IPO5: variants seen among roughly 807,000 people sequenced by gnomAD.
IPO5 encodes importin-5.
In IPO5, 18 loss-of-function variants were observed where a neutral mutation model predicts 143.3. That is an observed-to-expected ratio of 0.13 (90% CI 0.09 to 0.19). The LOEUF (loss-of-function observed/expected upper bound fraction) is 0.19. Ranked by LOEUF, IPO5 falls within the 10% of genes least tolerant of loss-of-function variation. The probability of loss-of-function intolerance (pLI) is 1.00; values close to 1 mark genes in which losing one functional copy is unlikely to be tolerated. For synonymous variants in IPO5, 477 were observed against 465.7 expected, an observed-to-expected ratio of 1.02 and a Z score of -0.31; for missense variants, 1,013 against 1,336.9, an observed-to-expected ratio of 0.76 and a Z score of 3.78.
At chr13:97,975,264 G>T (rs970063455) in intron 3 of IPO5, among the ~76,000 whole-genome samples, 1 of 143,456 alleles carries the variant, frequency 7.0e-6, no homozygotes, top group Non-Finnish European at 1.5e-5. Context: ...GGGGGGGCTG[G>T]TATCGCCTGA....
At chr13:97,967,674 C>T (rs1176783672) in intron 2 of IPO5, among the ~76,000 whole-genome samples, 2 of 152,124 alleles carry the variant, frequency 1.3e-5, no homozygotes, top group Non-Finnish European at 2.9e-5. Context: ...CTCTGTCGCC[C>T]AGGCTGGAGT....
At chr13:97,975,638 G>A (rs188358193) in intron 3 of IPO5, 2 of 152,306 alleles carry the variant, frequency 1.3e-5, no homozygotes, top group Admixed American at 6.5e-5. Flanking sequence ...TTGAAATTAC[G>A]CCTCTAGGTT....
chr13:97,976,326 C>G (rs577315737), intron 3 of IPO5: 29 of 152,178 alleles, frequency 1.9e-4, no homozygotes, highest in African/African-American at 5.5e-4. Context: ...CAGCCCTGGC[C>G]CGGCTGCGAA....
At chr13:98,001,168 C>G (rs1888740032) in intron 13 of IPO5, among the ~76,000 whole-genome samples, 1 of 152,154 alleles carries the variant, frequency 6.6e-6, no homozygotes, top group African/African-American at 2.4e-5. Flanking sequence ...GCTACCACAC[C>G]TGGCCATCCT....
intron 17 of IPO5, chr13:98,007,312 A>G (rs1397774910): frequency 2.0e-5 from 3 of 152,146 alleles, no homozygotes; most frequent in Admixed American, 1.3e-4. Flanking sequence ...TTGCTTTCCT[A>G]TTAATCTAAA....
chr13:97,982,288 T>A (rs1886914698), intron 4 of IPO5: 1 of 493,794 alleles, frequency 2.0e-6, no homozygotes, highest in South Asian at 3.2e-5. Flanking sequence ...GAAACATTTG[T>A]TTAAGAGATA....
chr13:97,976,064 G>C, intron 3 of IPO5: 1 of 688,330 alleles, frequency 1.5e-6, no homozygotes, highest in Non-Finnish European at 1.8e-6. Context: ...ATCCCAGGGA[G>C]CGAGGGACCA....
intron 25 of IPO5, among the ~76,000 whole-genome samples, chr13:98,017,812 T>G (rs1246747606): frequency 1.3e-5 from 2 of 151,842 alleles, no homozygotes; most frequent in African/African-American, 4.8e-5. Flanking sequence ...TGTTTTGTTT[T>G]TTTGTATTTT....
At chr13:97,987,466 G>A (rs907264860) in intron 6 of IPO5, among the ~76,000 whole-genome samples, 8 of 152,088 alleles carry the variant, frequency 5.3e-5, no homozygotes, top group Admixed American at 3.9e-4. Context: ...CCTTTCTTAT[G>A]TCAACCATTT....
intron 4 of IPO5, chr13:97,981,363 C>A (rs953883012): frequency 4.7e-6 from 2 of 424,930 alleles, no homozygotes; most frequent in Admixed American, 5.7e-5. Context: ...CCTTAGAGGA[C>A]CAGAGTTCTG....
intron 5 of IPO5, among the ~76,000 whole-genome samples, chr13:97,983,537 A>AGC (rs1887035838): frequency 1.0e-5 from 1 of 99,552 alleles, no homozygotes; most frequent in African/African-American, 3.7e-5. Flanking sequence ...AGCTAATTCC[A>AGC]CCCCCCCCCC....
intron 11 of IPO5, among the ~76,000 whole-genome samples, chr13:97,997,018 A>G (rs1888349972): frequency 6.6e-6 from 1 of 152,244 alleles, no homozygotes; most frequent in Non-Finnish European, 1.5e-5. Flanking sequence ...AAAATTGGAA[A>G]CAACCAAAAT....
At chr13:97,956,940 T>G (rs193154022) in intron 2 of IPO5, among the ~76,000 whole-genome samples, 2 of 152,226 alleles carry the variant, frequency 1.3e-5, no homozygotes, top group Non-Finnish European at 2.9e-5. Flanking sequence ...GCTTGGTCTA[T>G]GGATAGCTGA....
intron 2 of IPO5, among the ~76,000 whole-genome samples, chr13:97,956,372 T>C (rs1593997006): frequency 6.6e-6 from 1 of 152,152 alleles, no homozygotes; most frequent in Admixed American, 6.6e-5. Flanking sequence ...AAATCTGATA[T>C]ATAAAAAAGT....
intron 2 of IPO5, among the ~76,000 whole-genome samples, chr13:97,962,896 C>T (rs1594011777): frequency 1.3e-5 from 2 of 151,974 alleles, no homozygotes; most frequent in East Asian, 1.9e-4. Flanking sequence ...AGTTCAAATC[C>T]TGCAGGGCAG....
intron 5 of IPO5, 21 bp downstream of exon 5, chr13:97,982,604 A>T: frequency 7.2e-7 from 1 of 1,398,214 alleles, no homozygotes. Flanking sequence ...AATATTTGTG[A>T]CTATTACATT....
In IPO5 at chr13:98,015,745, C is replaced by T. The variant is rs1280231336; in HGVS notation, c.2457C>T (p.Asp819=). The T allele has an allele frequency of 1.2e-6, 2 of 1,611,382 alleles. No individual in the cohort carries two copies. The highest frequency in any genetic ancestry group is 1.7e-6 in the Non-Finnish European group (2 of 1,178,376). The part of the protein sequence containing the change: ...ELRQVKRQDE[D]YDEQVEESLQ... ...TTTTAGTTAAAAGACAAGATGAAGA[C>T]TATGATGAACAGGTCGAAGAGTCAC... Residue 819 remains aspartate (D), a synonymous_variant, in exon 24 of 29, where the codon GAC becomes GAT. Transcript: ENST00000651721.
At chr13:97,968,981 G>C (rs973715485) in intron 2 of IPO5, among the ~76,000 whole-genome samples, 1 of 150,734 alleles carries the variant, frequency 6.6e-6, no homozygotes, top group African/African-American at 2.4e-5. Flanking sequence ...CTGCCACTAC[G>C]CCTAGCTAAA....
chr13:97,981,258 A>G (rs1239096541), intron 4 of IPO5: 3 of 456,218 alleles, frequency 6.6e-6, no homozygotes, highest in Admixed American at 4.7e-5. Flanking sequence ...ATGTTTGAAA[A>G]GTTTGAAACC....
Sources: allele counts gnomAD v4.1 joint callset (sites outside exome capture counted in the v4.1 genomes callset), GRCh38; gene constraint gnomAD v4.1.1; transcripts MANE v1.5; gene names NCBI Gene and HGNC (gene_info 2026-07-23, HGNC 2026-07-21).